CDH13: variants seen among roughly 807,000 people sequenced by gnomAD.
CDH13 encodes cadherin-13.
Under a neutral mutation model 63.8 loss-of-function variants are expected in CDH13, and 24 were observed. That is an observed-to-expected ratio of 0.38 (90% CI 0.27 to 0.53). The LOEUF (loss-of-function observed/expected upper bound fraction) is 0.53, where lower values mean the gene tolerates loss of function less well. Ranked by LOEUF, CDH13 falls within the 20% of genes least tolerant of loss-of-function variation. The pLI, the probability that CDH13 is intolerant of heterozygous loss-of-function variation, is 0.85. For missense variants in CDH13, 1,049 were observed against 903.1 expected (o/e 1.16, Z -2.07); for synonymous variants, 503 against 355.3 (o/e 1.42, Z -4.67).
chr16:83,431,892 C>A (rs1402999712), intron 6 of CDH13, among the ~76,000 whole-genome samples: 1 of 152,146 alleles, frequency 6.6e-6, no homozygotes, highest in East Asian at 1.9e-4. Flanking sequence ...CAAACCATAT[C>A]CATCATTACG....
intron 4 of CDH13, among the ~76,000 whole-genome samples, chr16:83,137,165 C>T (rs1239787892): frequency 6.6e-6 from 1 of 152,172 alleles, no homozygotes; most frequent in East Asian, 1.9e-4. Flanking sequence ...TGCAGCTGGT[C>T]TCATGCCCAG....
At chr16:83,660,749 G>C (rs988902993) in intron 8 of CDH13, among the ~76,000 whole-genome samples, 1 of 152,192 alleles carries the variant, frequency 6.6e-6, no homozygotes, top group African/African-American at 2.4e-5. Context: ...TCAGATGTTG[G>C]TGGTCAAATG....
intron 3 of CDH13, among the ~76,000 whole-genome samples, chr16:83,081,001 C>T (rs933537893): frequency 6.7e-6 from 1 of 149,236 alleles, no homozygotes; most frequent in Non-Finnish European, 1.5e-5. Context: ...CCTGCCTCAG[C>T]CTCCCGAGTA....
At chr16:83,309,276 G>A (rs1489350687) in intron 5 of CDH13, among the ~76,000 whole-genome samples, 1 of 152,140 alleles carries the variant, frequency 6.6e-6, no homozygotes, top group African/African-American at 2.4e-5. Flanking sequence ...GGGATCTTTG[G>A]GAAAAGATCT....
At chr16:83,733,437 C>G (rs111818090) in intron 10 of CDH13, among the ~76,000 whole-genome samples, 1,811 of 152,278 alleles carry the variant, frequency 0.012, 30 homozygotes, top group African/African-American at 0.038. Context: ...TAGGATGCCA[C>G]TGGAGAGGGA....
At chr16:82,824,591 G>A (rs2038155775) in intron 1 of CDH13, 1 of 152,136 alleles carries the variant, frequency 6.6e-6, no homozygotes, top group Non-Finnish European at 1.5e-5. Context: ...CCAGCCTCCA[G>A]GATGTATCTA....
intron 7 of CDH13, among the ~76,000 whole-genome samples, chr16:83,497,998 C>G (rs1036522081): frequency 1.5e-4 from 23 of 152,226 alleles, no homozygotes; most frequent in Non-Finnish European, 4.4e-5. Context: ...CAGGCAACCT[C>G]AGACAGACAC....
At chr16:82,963,790 G>T (rs1412697108) in intron 2 of CDH13, among the ~76,000 whole-genome samples, 1 of 152,270 alleles carries the variant, frequency 6.6e-6, no homozygotes, top group African/African-American at 2.4e-5. Flanking sequence ...ATTTCCCCTT[G>T]GCACGGGAAG....
At chr16:83,051,882 G>A (rs138092225) in intron 3 of CDH13, among the ~76,000 whole-genome samples, 197 of 152,262 alleles carry the variant, frequency 1.3e-3, no homozygotes, top group African/African-American at 2.5e-3. Flanking sequence ...TTTCTGAGGC[G>A]TCTTTCTTTC....
intron 8 of CDH13, among the ~76,000 whole-genome samples, chr16:83,657,057 C>G (rs1041700761): frequency 1.3e-5 from 2 of 152,184 alleles, no homozygotes; most frequent in African/African-American, 4.8e-5. Flanking sequence ...CTTCACTCTT[C>G]CATATTCTTA....
intron 7 of CDH13, among the ~76,000 whole-genome samples, chr16:83,582,558 A>G (rs1905720081): frequency 6.6e-6 from 1 of 152,144 alleles, no homozygotes; most frequent in Non-Finnish European, 1.5e-5. Flanking sequence ...TTCCCAGCCC[A>G]CCCACTGTTC....
At chr16:82,744,434 C>G (rs1382295561) in intron 1 of CDH13, among the ~76,000 whole-genome samples, 1 of 152,032 alleles carries the variant, frequency 6.6e-6, no homozygotes, top group African/African-American at 2.4e-5. Flanking sequence ...CCTCGGGTTC[C>G]TAGGGATTTT....
At chr16:83,208,505 C>T (rs1219811792) in intron 4 of CDH13, among the ~76,000 whole-genome samples, 2 of 151,750 alleles carry the variant, frequency 1.3e-5, no homozygotes, top group African/African-American at 4.8e-5. Flanking sequence ...GAGTAGAAAA[C>T]ATCTTCTAAA....
chr16:83,207,527 C>A lies in CDH13; in HGVS notation c.484-9818C>A, dbSNP rs553310704. 2.0e-5 allele frequency among the ~76,000 whole-genome samples: 3 copies of A among 152,236 alleles called. No homozygotes were observed. The South Asian group carries it at 6.2e-4, about 32-fold the overall frequency. ...CATACACTTTTTTAAATCCATTCATCTGTTGATGGACACCTGAGTTGTTCC... is the reference window on the plus strand; with the variant it reads ...CATACACTTTTTTAAATCCATTCATATGTTGATGGACACCTGAGTTGTTCC... On this transcript the variant is annotated intron_variant, in intron 4 of 13. Transcript: ENST00000567109.
At chr16:82,998,030 G>A (rs1051849178) in intron 2 of CDH13, among the ~76,000 whole-genome samples, 15 of 152,174 alleles carry the variant, frequency 9.9e-5, no homozygotes, top group Non-Finnish European at 1.8e-4. Context: ...GAATCTCAGA[G>A]TTGAGCACTC....
intron 1 of CDH13, among the ~76,000 whole-genome samples, chr16:82,682,855 C>G (rs774460817): frequency 4.1e-4 from 63 of 152,210 alleles, no homozygotes; most frequent in Non-Finnish European, 7.8e-4. Flanking sequence ...GGTGCTTCCC[C>G]TGAGCCATGA....
intron 1 of CDH13, among the ~76,000 whole-genome samples, chr16:82,799,719 C>G (rs1038277844): frequency 1.4e-4 from 21 of 152,090 alleles, no homozygotes; most frequent in African/African-American, 4.6e-4. Context: ...GAGACATTTA[C>G]AAATAGAAAA....
intron 1 of CDH13, among the ~76,000 whole-genome samples, chr16:82,681,640 C>T (rs1914559329): frequency 6.6e-6 from 1 of 152,232 alleles, no homozygotes; most frequent in African/African-American, 2.4e-5. Context: ...GCGGATGCTC[C>T]TGGTGCCCCC....
intron 6 of CDH13, among the ~76,000 whole-genome samples, chr16:83,376,357 G>A (rs1381876675): frequency 1.3e-5 from 2 of 152,172 alleles, no homozygotes; most frequent in Non-Finnish European, 2.9e-5. Context: ...GGTGATACCA[G>A]CCCTTCCTCA....
Sources: allele counts gnomAD v4.1 joint callset (sites outside exome capture counted in the v4.1 genomes callset), GRCh38; gene constraint gnomAD v4.1.1; transcripts MANE v1.5; gene names NCBI Gene and HGNC (gene_info 2026-07-23, HGNC 2026-07-21).